Variants in NELL1 observed in about 807,000 individuals in gnomAD.
The protein encoded by NELL1 is neural EGFL like 1.
NELL1 carries 76 observed loss-of-function variants against 107.4 expected under a neutral mutation model. That is an observed-to-expected ratio of 0.71 (90% CI 0.59 to 0.86). The LOEUF is 0.86. Ranked by LOEUF, NELL1 falls within the 40% of genes least tolerant of loss-of-function variation. NELL1 has a pLI of 0.00. For missense variants in NELL1, 1,024 were observed against 1,005.5 expected, an observed-to-expected ratio of 1.02 and a Z score of -0.25; for synonymous variants, 353 against 341.2, an observed-to-expected ratio of 1.03 and a Z score of -0.38.
chr11:21,201,596 T>G (rs1465978545), intron 13 of NELL1, among the ~76,000 whole-genome samples: 1 of 152,208 alleles, frequency 6.6e-6, no homozygotes, highest in Non-Finnish European at 1.5e-5. Context: ...ACTTCCTCTC[T>G]TCCTATTTGA....
At chr11:21,035,472 T>TA (rs201070130) in intron 12 of NELL1, among the ~76,000 whole-genome samples, 1,341 of 133,042 alleles carry the variant, frequency 0.01, 11 homozygotes, top group Middle Eastern at 0.031. Context: ...GCAAAAATCC[T>TA]AAAAAAAAAA....
chr11:20,925,238 A>T lies in NELL1; in HGVS notation c.760-2070A>T, dbSNP rs943702085. Among the ~76,000 whole-genome samples, 24 of 152,110 alleles carry T rather than the reference A, an allele frequency of 1.6e-4. 1 individual carries two copies. The highest frequency in any genetic ancestry group is 1.5e-3 in the Admixed American group (23 of 15,266). Reference sequence around the variant, plus strand: ...AGCATTGCCAAATAACTTAATTATCATAGATTCTATAAACTCTATGATTAG... The same window carrying T: ...AGCATTGCCAAATAACTTAATTATCTTAGATTCTATAAACTCTATGATTAG... On this transcript the variant is annotated intron_variant, in intron 7 of 19. Coordinates refer to ENST00000357134, the MANE Select transcript of NELL1 (RefSeq NM_006157.5).
chr11:21,337,798 TTC>T, intron 14 of NELL1, among the ~76,000 whole-genome samples: 4 of 90,034 alleles, frequency 4.4e-5, no homozygotes, highest in Non-Finnish European at 8.9e-5. Flanking sequence ...CTTTCTTTCC[TTC>T]TTTCTTTCTT....
chr11:20,699,085 C>T (rs557459435), intron 2 of NELL1, among the ~76,000 whole-genome samples: 6 of 151,884 alleles, frequency 4.0e-5, no homozygotes, highest in South Asian at 2.1e-4. Context: ...GGCATGGTGG[C>T]GCACATCTGT....
At chr11:20,740,697 A>G (rs1235921419) in intron 2 of NELL1, among the ~76,000 whole-genome samples, 1 of 152,242 alleles carries the variant, frequency 6.6e-6, no homozygotes, top group Non-Finnish European at 1.5e-5. Context: ...CAGTGATGTC[A>G]GAAATATTCT....
rs1854759133 is a variant in NELL1, at chr11:21,490,011, C to A, written c.1646-44363C>A. 2.0e-5 allele frequency among the ~76,000 whole-genome samples: 3 copies of A among 152,154 alleles called. No individual in the cohort carries two copies. The South Asian group carries it at 6.2e-4, about 32-fold the overall frequency. On this transcript the variant is annotated intron_variant, in intron 15 of 19. Coordinates refer to ENST00000357134, the MANE Select transcript of NELL1 (RefSeq NM_006157.5). Reference sequence around the variant, plus strand: ...CAGAAGAGAGGAAGTCAGATTTTCTCTGTCTGCTGATAAGATCTAACATCT... The same window carrying A: ...CAGAAGAGAGGAAGTCAGATTTTCTATGTCTGCTGATAAGATCTAACATCT...
chr11:21,362,775 A>G (rs1851108387), intron 14 of NELL1, among the ~76,000 whole-genome samples: 1 of 151,702 alleles, frequency 6.6e-6, no homozygotes, highest in Non-Finnish European at 1.5e-5. Context: ...TTAGGCTACC[A>G]GGGTGGGTAG....
rs76551692 is a variant in NELL1 at position 20,799,983 on chromosome 11, T to C, written c.335+16153T>C. Reference sequence around the variant, plus strand: ...ATTTGGTTTTCTGTTCTTGTGTTAATTCACTTAGGATCATGGCCCCCAGCT... The same window carrying C: ...ATTTGGTTTTCTGTTCTTGTGTTAACTCACTTAGGATCATGGCCCCCAGCT... On this transcript the variant is annotated intron_variant, in intron 3 of 19. Transcript: ENST00000357134. Among the ~76,000 whole-genome samples, 1,341 of 152,332 alleles carry C rather than the reference T, an allele frequency of 8.8e-3. 20 individuals carry two copies. Among genetic ancestry groups the C allele is most frequent in the African/African-American group, 0.031 (1,270 of 41,578 alleles).
rs191915559 is a variant in NELL1 at position 21,499,226 on chromosome 11, T to C, written c.1646-35148T>C. On this transcript the variant is annotated intron_variant, in intron 15 of 19. Coordinates refer to ENST00000357134, the MANE Select transcript of NELL1 (RefSeq NM_006157.5). ...GTATGTTATTAAACTCTGTAATACATTGTAAAATTTACTTCTATATATTGT... is the reference window on the plus strand; with the variant it reads ...GTATGTTATTAAACTCTGTAATACACTGTAAAATTTACTTCTATATATTGT... Among the ~76,000 whole-genome samples, 816 of 152,150 alleles carry C rather than the reference T, an allele frequency of 5.4e-3. 16 individuals are homozygous for C. The highest frequency in any genetic ancestry group is 0.044 in the Admixed American group (676 of 15,252).
chr11:21,444,411 C>A (rs1483496772), intron 15 of NELL1, among the ~76,000 whole-genome samples: 1 of 152,172 alleles, frequency 6.6e-6, no homozygotes, highest in East Asian at 1.9e-4. Flanking sequence ...TTATACATAG[C>A]AAAACTGTTT....
chr11:21,135,733 A>G (rs1337792718), intron 13 of NELL1, among the ~76,000 whole-genome samples: 1 of 152,236 alleles, frequency 6.6e-6, no homozygotes, highest in Non-Finnish European at 1.5e-5. Flanking sequence ...CTATATATCT[A>G]GTAATACCTA....
intron 16 of NELL1, among the ~76,000 whole-genome samples, chr11:21,546,740 C>A (rs543396875): frequency 6.6e-6 from 1 of 151,942 alleles, no homozygotes; most frequent in East Asian, 1.9e-4. Context: ...TCAGGTATTT[C>A]TTTATTAGTG....
At chr11:21,280,858 C>T (rs1241601534) in intron 14 of NELL1, among the ~76,000 whole-genome samples, 1 of 151,990 alleles carries the variant, frequency 6.6e-6, no homozygotes, top group African/African-American at 2.4e-5. Context: ...GGTTCCAAAG[C>T]CTAGGCTCTA....
chr11:21,526,231 A>G (rs1398466921), intron 15 of NELL1, among the ~76,000 whole-genome samples: 1 of 152,202 alleles, frequency 6.6e-6, no homozygotes, highest in East Asian at 1.9e-4. Flanking sequence ...ATTAAATCTT[A>G]AAGGTCCAAA....
intron 3 of NELL1, among the ~76,000 whole-genome samples, chr11:20,805,787 C>A (rs370651488): frequency 6.6e-6 from 1 of 152,232 alleles, no homozygotes; most frequent in African/African-American, 2.4e-5. Context: ...CAGGCGTGAG[C>A]CACCGTGCCT....
At chr11:20,760,016 C>T (rs1027962359) in intron 2 of NELL1, among the ~76,000 whole-genome samples, 6 of 152,314 alleles carry the variant, frequency 3.9e-5, no homozygotes, top group Non-Finnish European at 7.3e-5. Context: ...GAGAGAGATA[C>T]TTCATTCTCT....
intron 13 of NELL1, among the ~76,000 whole-genome samples, chr11:21,191,387 G>C (rs572533122): frequency 9.2e-5 from 14 of 151,756 alleles, no homozygotes; most frequent in African/African-American, 1.5e-4. Context: ...GCAGCCTCTA[G>C]AAGCTGGAGA....
chr11:21,250,466 A>G (rs1486928301), intron 14 of NELL1, among the ~76,000 whole-genome samples: 3 of 152,162 alleles, frequency 2.0e-5, no homozygotes, highest in African/African-American at 7.2e-5. Context: ...GAATTGAAAT[A>G]TCTTTTTCCT....
At chr11:21,525,994 C>G (rs1318880565) in intron 15 of NELL1, among the ~76,000 whole-genome samples, 1 of 152,136 alleles carries the variant, frequency 6.6e-6, no homozygotes, top group African/African-American at 2.4e-5. Flanking sequence ...AACAGTCCCC[C>G]AAAGTCTTAA....
Sources: gnomAD v4.1 joint callset for allele counts (sites outside exome capture counted in the v4.1 genomes callset) on GRCh38, gnomAD v4.1.1 for gene constraint, MANE v1.5 for transcripts, NCBI Gene and HGNC (gene_info 2026-07-23, HGNC 2026-07-21) for gene names.